Variants in ADCY10 observed in about 807,000 individuals in gnomAD.
The protein encoded by ADCY10 is adenylate cyclase type 10.
In ADCY10, 156 loss-of-function variants were observed where a neutral mutation model predicts 183.3. The ratio of observed to expected loss-of-function variants is 0.85; its 90% CI spans 0.75 to 0.97. The LOEUF (loss-of-function observed/expected upper bound fraction) is 0.97, where lower values mean the gene tolerates loss of function less well. ADCY10 is among the 50% of genes least tolerant of loss of function. The pLI is 0.00. For missense variants in ADCY10, 1,745 were observed against 1,934.3 expected (o/e 0.90, Z 1.84); for synonymous variants, 645 against 670.0 (o/e 0.96, Z 0.58).
intron 14 of ADCY10, among the ~76,000 whole-genome samples, chr1:167,861,857 G>T (rs537009725): frequency 6.6e-6 from 1 of 152,282 alleles, no homozygotes; most frequent in Non-Finnish European, 1.5e-5. Context: ...CCCCCATGCT[G>T]TTCTCATGAT....
chr1:167,854,374 T>C lies in ADCY10; in HGVS notation c.2287A>G (p.Arg763Gly), dbSNP rs376543002. 11 of 1,614,072 alleles carry C rather than the reference T, an allele frequency of 6.8e-6. No homozygotes were observed. In the African/African-American group the frequency reaches 1.5e-4, roughly 22 times the overall value. Residue 763 changes from arginine to glycine, a missense_variant, in exon 18 of 33, where the codon AGG becomes GGG. Coordinates refer to ENST00000367851, the MANE Select transcript of ADCY10 (RefSeq NM_018417.6). Reference protein sequence around the residue: ...QQTESEEKTNRTWNNLFKYSI... With the variant: ...QQTESEEKTNGTWNNLFKYSI... The stretch of plus-strand genomic sequence containing the variant: ...TTACTGAACAGGTTATTCCAGGTCC[T>C]ATTTGTCTTTTCCTCAGACTCCGTT...
chr1:167,880,985 C>A lies in ADCY10; in HGVS notation c.1021-376G>T, dbSNP rs76022576. Among the ~76,000 whole-genome samples, 375 of 152,308 alleles carry A rather than the reference C, an allele frequency of 2.5e-3. 1 individual carries two copies. Among genetic ancestry groups the A allele is most frequent in the Non-Finnish European group, 4.6e-3 (313 of 68,018 alleles). On this transcript the variant is annotated intron_variant, in intron 9 of 32. Coordinates refer to ENST00000367851, the MANE Select transcript of ADCY10 (RefSeq NM_018417.6). Reference sequence around the variant, plus strand: ...TCTGGAATCAGAAAGTCTCTGTCCTCAAGCCACTTCTCAAGTGTGGAAACT... The same window carrying A: ...TCTGGAATCAGAAAGTCTCTGTCCTAAAGCCACTTCTCAAGTGTGGAAACT...
At chr1:167,847,591 T>C (rs2101978225) in intron 19 of ADCY10, among the ~76,000 whole-genome samples, 1 of 152,132 alleles carries the variant, frequency 6.6e-6, no homozygotes, top group East Asian at 1.9e-4. Flanking sequence ...AATTTTTTTT[T>C]GTATTTTTAG....
intron 18 of ADCY10, among the ~76,000 whole-genome samples, chr1:167,850,874 G>C (rs1231090006): frequency 6.6e-6 from 1 of 152,072 alleles, no homozygotes; most frequent in Non-Finnish European, 1.5e-5. Context: ...GGGGATTCAG[G>C]AGAGCACAAA....
intron 11 of ADCY10, 129 bp downstream of exon 11, chr1:167,879,986 C>T (rs1558225481): frequency 1.3e-6 from 1 of 792,302 alleles, no homozygotes. Flanking sequence ...TTGGCTCCAT[C>T]TGGAAGACTC....
chr1:167,819,003 A>G lies in ADCY10; in HGVS notation c.4287-736T>C, dbSNP rs142095323. ...ATCAGTATCACCTGGATTCTCATTAATGCAGGTTCTCTGGTTCAGTCCAGG... is the reference window on the plus strand; with the variant it reads ...ATCAGTATCACCTGGATTCTCATTAGTGCAGGTTCTCTGGTTCAGTCCAGG... On this transcript the variant is annotated intron_variant, in intron 30 of 32. Coordinates refer to ENST00000367851, the MANE Select transcript of ADCY10 (RefSeq NM_018417.6). 5.2e-4 allele frequency among the ~76,000 whole-genome samples: 79 copies of G among 152,280 alleles called. No individual in the cohort carries two copies. In the East Asian group the frequency reaches 0.012, roughly 24 times the overall value.
At chr1:167,902,668 C>T (rs971638195) in intron 3 of ADCY10, among the ~76,000 whole-genome samples, 1 of 152,158 alleles carries the variant, frequency 6.6e-6, no homozygotes, top group African/African-American at 2.4e-5. Context: ...TAAATTTTGT[C>T]TAGTGGGTAA....
At chr1:167,855,595 C>A (rs758210840) in intron 17 of ADCY10, among the ~76,000 whole-genome samples, 7 of 152,114 alleles carry the variant, frequency 4.6e-5, no homozygotes, top group Non-Finnish European at 1.0e-4. Flanking sequence ...TATACCCATA[C>A]CCCCCATGAT....
chr1:167,829,947 A>G (rs1663587700), intron 25 of ADCY10, among the ~76,000 whole-genome samples: 1 of 152,220 alleles, frequency 6.6e-6, no homozygotes. Context: ...AGCTCAACAA[A>G]GGTGTGAAAG....
rs185895818 is a variant in ADCY10, at chr1:167,905,189, A to C, written c.-49T>G. The C allele has an allele frequency of 5.0e-6, 8 of 1,605,208 alleles. No individual in the cohort carries two copies. In the East Asian group the frequency reaches 1.8e-4, roughly 36 times the overall value. ...TTATGGTGACAGGAAGCAGTCTCCA[A>C]ATAGGTCTTCTAAAAAGAAAATTGA... On this transcript the variant is annotated 5_prime_UTR_variant, in exon 2 of 33. The change creates a new upstream start codon in the 5' untranslated region. Transcript: ENST00000367851.
intron 31 of ADCY10, among the ~76,000 whole-genome samples, chr1:167,812,870 T>TA (rs1334758644): frequency 1.3e-5 from 2 of 151,762 alleles, no homozygotes; most frequent in Admixed American, 1.3e-4. Flanking sequence ...AACTAAAATT[T>TA]AAAAAAATCA....
chr1:167,864,945 T>A lies in ADCY10; in HGVS notation c.1617-3882A>T, dbSNP rs1464863252. On this transcript the variant is annotated intron_variant, in intron 14 of 32. Coordinates refer to ENST00000367851, the MANE Select transcript of ADCY10 (RefSeq NM_018417.6). ...GAAGGCAAAATTTATGTAAAAAGAG[T>A]GTTATATGGTAAATTCTTGTCTTGA... Among the ~76,000 whole-genome samples the A allele has an allele frequency of 2.7e-5, 4 of 146,760 alleles. No homozygotes were observed. The East Asian group carries it at 8.0e-4, about 29-fold the overall frequency.
At position 167,809,594 on chromosome 1, in the gene ADCY10, T is replaced by C. The variant is rs1662071166; in HGVS notation, c.*84A>G. On this transcript the variant is annotated 3_prime_UTR_variant, in exon 33 of 33. Transcript: ENST00000367851. ...GAACAGAAGAGATTATGTAGGAACCTGGAGTGGGCCAGCCACGGAGAAAGG... is the reference window on the plus strand; with the variant it reads ...GAACAGAAGAGATTATGTAGGAACCCGGAGTGGGCCAGCCACGGAGAAAGG... 3 of 1,436,890 alleles carry C rather than the reference T, an allele frequency of 2.1e-6. No homozygotes were observed. Among genetic ancestry groups the C allele is most frequent in the Non-Finnish European group, 2.9e-6 (3 of 1,020,794 alleles). 89.0% of individuals were successfully genotyped at this position (1,436,890 alleles called of 1,614,324 possible).
chr1:167,847,577 G>A (rs1376583446), intron 19 of ADCY10, among the ~76,000 whole-genome samples: 1 of 151,778 alleles, frequency 6.6e-6, no homozygotes, highest in Non-Finnish European at 1.5e-5. Flanking sequence ...CACCATGCCC[G>A]GCTAATTTTT....
intron 8 of ADCY10, among the ~76,000 whole-genome samples, chr1:167,887,976 G>A (rs72699710): frequency 6.6e-6 from 1 of 152,242 alleles, no homozygotes; most frequent in Non-Finnish European, 1.5e-5. Flanking sequence ...AGAGATAGGA[G>A]TCTAGTTTCA....
intron 13 of ADCY10, among the ~76,000 whole-genome samples, chr1:167,873,318 A>G (rs1445460748): frequency 1.3e-5 from 2 of 152,214 alleles, no homozygotes; most frequent in African/African-American, 4.8e-5. Flanking sequence ...ACCTGAAAGC[A>G]GTGAAAGTGA....
In ADCY10 at chr1:167,856,410, G is replaced by T. The variant is rs373302810; in HGVS notation, c.1926C>A (p.Ile642=). The change falls in exon 17 of 33, where the codon ATC becomes ATA. Residue 642 remains isoleucine (I), a synonymous_variant. Transcript: ENST00000367851. ...AATCCACAAACTGGGCCTCATCAAT[G>T]ATAAAAATAATCCTTTCCTCTTTCA... The part of the protein sequence containing the change: ...LIVKEERIIF[I]IDEAQFVDST... The T allele has an allele frequency of 2.1e-4, 340 of 1,614,040 alleles. No homozygotes were observed. Among genetic ancestry groups the T allele is most frequent in the Middle Eastern group, 4.9e-4 (3 of 6,084 alleles).
intron 14 of ADCY10, among the ~76,000 whole-genome samples, chr1:167,867,717 T>C (rs1666806595): frequency 6.6e-6 from 1 of 152,090 alleles, no homozygotes; most frequent in African/African-American, 2.4e-5. Flanking sequence ...AACACTAAAA[T>C]TTAATGCTTG....
At chr1:167,906,693 G>T (rs1557838531) in intron 1 of ADCY10, among the ~76,000 whole-genome samples, 1 of 152,062 alleles carries the variant, frequency 6.6e-6, no homozygotes, top group Non-Finnish European at 1.5e-5. Context: ...GGAGGCTGAG[G>T]TGGGAGGATG....
Sources: gnomAD v4.1 joint callset for allele counts (sites outside exome capture counted in the v4.1 genomes callset) on GRCh38, gnomAD v4.1.1 for gene constraint, MANE v1.5 for transcripts, NCBI Gene and HGNC (gene_info 2026-07-23, HGNC 2026-07-21) for gene names.